LCLAT1: variants seen among roughly 807,000 people sequenced by gnomAD.
LCLAT1 encodes the protein 1-AGP acyltransferase 8.
Under a neutral mutation model 30.7 loss-of-function variants are expected in LCLAT1, and 11 were observed. The ratio of observed to expected loss-of-function variants is 0.36; its 90% CI spans 0.23 to 0.59. The LOEUF (loss-of-function observed/expected upper bound fraction) is 0.59. Among genes scored for constraint, LCLAT1 ranks in the 20% least tolerant of loss-of-function variants. The pLI, the probability that LCLAT1 is intolerant of heterozygous loss-of-function variation, is 0.77. For synonymous variants in LCLAT1, 155 were observed against 151.3 expected (o/e 1.02, Z -0.18); for missense variants, 402 against 458.6 (o/e 0.88, Z 1.13).
At chr2:30,569,564 G>T (rs1201800341) in intron 5 of LCLAT1, among the ~76,000 whole-genome samples, 2 of 151,834 alleles carry the variant, frequency 1.3e-5, no homozygotes, top group Non-Finnish European at 2.9e-5. Flanking sequence ...TAAAACTGTT[G>T]TGCATAACAT....
At chr2:30,473,877 T>A (rs1481562135) in intron 1 of LCLAT1, among the ~76,000 whole-genome samples, 1 of 152,200 alleles carries the variant, frequency 6.6e-6, no homozygotes, top group Non-Finnish European at 1.5e-5. Flanking sequence ...TTATAAGGGA[T>A]TGATTTTCAA....
At chr2:30,575,331 A>G (rs1415492269) in intron 5 of LCLAT1, among the ~76,000 whole-genome samples, 2 of 151,462 alleles carry the variant, frequency 1.3e-5, no homozygotes, top group African/African-American at 2.4e-5. Context: ...ATTTGTTTTT[A>G]TATCTGAGGT....
At chr2:30,615,575 C>T (rs926583107) in intron 5 of LCLAT1, among the ~76,000 whole-genome samples, 3 of 152,132 alleles carry the variant, frequency 2.0e-5, no homozygotes, top group African/African-American at 7.2e-5. Flanking sequence ...CTCCCACTAG[C>T]CTTCATTCCC....
chr2:30,467,594 C>T (rs1205059244), intron 1 of LCLAT1, among the ~76,000 whole-genome samples: 1 of 152,208 alleles, frequency 6.6e-6, no homozygotes, highest in Non-Finnish European at 1.5e-5. Flanking sequence ...TCCTCTCCAG[C>T]ACCTGTTGTT....
intron 5 of LCLAT1, among the ~76,000 whole-genome samples, chr2:30,639,820 T>G (rs1186219448): frequency 6.6e-6 from 1 of 152,210 alleles, no homozygotes; most frequent in African/African-American, 2.4e-5. Flanking sequence ...AATTCCCATC[T>G]CAAATTTGAG....
At chr2:30,608,469 CCTCA>C (rs1667573770) in intron 5 of LCLAT1, among the ~76,000 whole-genome samples, 1 of 151,872 alleles carries the variant, frequency 6.6e-6, no homozygotes, top group African/African-American at 2.4e-5. Flanking sequence ...ATTCACTCAC[CCTCA>C]CTCACTGACT....
At chr2:30,544,429 G>T (rs1027913086) in intron 3 of LCLAT1, among the ~76,000 whole-genome samples, 6 of 152,136 alleles carry the variant, frequency 3.9e-5, no homozygotes. Flanking sequence ...TTCTCTTTAT[G>T]CAATACAGGA....
chr2:30,502,999 T>A (rs1237257514), intron 1 of LCLAT1, among the ~76,000 whole-genome samples: 1 of 152,250 alleles, frequency 6.6e-6, no homozygotes, highest in Admixed American at 6.5e-5. Context: ...GTATGGTCTC[T>A]TGGCAGTTGC....
chr2:30,569,401 G>A (rs1665671737), intron 5 of LCLAT1, among the ~76,000 whole-genome samples: 1 of 152,174 alleles, frequency 6.6e-6, no homozygotes, highest in South Asian at 2.1e-4. Flanking sequence ...ACATACTGAA[G>A]TGTTAATTTT....
At position 30,640,552 on chromosome 2, in the gene LCLAT1, T is replaced by C; in HGVS notation, c.1064T>C (p.Ile355Thr). The change falls in exon 6 of 6, where the codon ATC (isoleucine) becomes ACC (threonine). Residue 355 changes from isoleucine to threonine, a missense_variant. Coordinates refer to ENST00000379509, the MANE Select transcript of LCLAT1 (RefSeq NM_001002257.3). ...LQERIFGGLE[I>T]IELACYRLLH... is the part of the protein sequence containing the mutation. ...GAGAGAATATTTGGTGGACTGGAGA[T>C]CATAGAACTTGCATGTTACCGACTT... is the stretch of plus-strand genomic sequence containing the variant. The C allele has an allele frequency of 2.5e-6, 4 of 1,613,356 alleles. No individual in the cohort carries two copies. The highest frequency in any genetic ancestry group is 3.4e-6 in the Non-Finnish European group (4 of 1,179,844).
At chr2:30,501,228 T>G (rs556415446) in intron 1 of LCLAT1, among the ~76,000 whole-genome samples, 1 of 152,092 alleles carries the variant, frequency 6.6e-6, no homozygotes, top group Non-Finnish European at 1.5e-5. Context: ...TAAAGCCTTT[T>G]TCTCTGTCAA....
At chr2:30,491,595 G>A (rs933031264) in intron 1 of LCLAT1, among the ~76,000 whole-genome samples, 3 of 152,200 alleles carry the variant, frequency 2.0e-5, no homozygotes, top group Non-Finnish European at 4.4e-5. Context: ...TATGTGCATA[G>A]ATAACCCACT....
chr2:30,583,110 A>G (rs549119728), intron 5 of LCLAT1, among the ~76,000 whole-genome samples: 43 of 152,374 alleles, frequency 2.8e-4, no homozygotes, highest in Middle Eastern at 3.4e-3. Flanking sequence ...CAAGTTTAAG[A>G]TAAGCTAAAT....
intron 3 of LCLAT1, among the ~76,000 whole-genome samples, chr2:30,535,924 C>A (rs190313692): frequency 2.6e-5 from 4 of 151,892 alleles, no homozygotes; most frequent in Non-Finnish European, 5.9e-5. Flanking sequence ...CATCAGGAAA[C>A]AATTCATGAT....
At chr2:30,558,199 T>C (rs1482909314) in intron 3 of LCLAT1, among the ~76,000 whole-genome samples, 1 of 152,162 alleles carries the variant, frequency 6.6e-6, no homozygotes, top group Non-Finnish European at 1.5e-5. Flanking sequence ...TGATGGACTT[T>C]ATATCCTAAA....
At position 30,641,918 on chromosome 2, in the gene LCLAT1, T is replaced by G. The variant is rs1669334118; in HGVS notation, c.*1299T>G. ...TTTCTTTTTTTTTTTCTTTTTTTTT[T>G]TGTCGTGTAAGAAGGATGCTGGTCA... On this transcript the variant is annotated 3_prime_UTR_variant, in exon 6 of 6. Coordinates refer to ENST00000379509, the MANE Select transcript of LCLAT1 (RefSeq NM_001002257.3). 1 of 150,686 alleles carries G rather than the reference T, an allele frequency of 6.6e-6. No individual in the cohort carries two copies. The highest frequency in any genetic ancestry group is 2.1e-4 in the South Asian group (1 of 4,776). 9.3% of individuals were successfully genotyped at this position (150,686 alleles called of 1,614,324 possible).
At chr2:30,528,440 G>C (rs1364192402) in intron 2 of LCLAT1, among the ~76,000 whole-genome samples, 10 of 152,188 alleles carry the variant, frequency 6.6e-5, no homozygotes, top group Admixed American at 1.3e-4. Flanking sequence ...GCAGAGAAGA[G>C]AATGAATTTT....
Position 30,562,112 on chromosome 2 carries a change from T to G in LCLAT1, c.365-34T>G, listed in dbSNP as rs370427576. 7.2e-6 allele frequency: 11 copies of G among 1,534,178 alleles called. 1 individual carries two copies. Among genetic ancestry groups the G allele is most frequent in the Non-Finnish European group, 9.8e-6 (11 of 1,123,022 alleles). On this transcript the variant is annotated intron_variant, in intron 3 of 5. Coordinates refer to ENST00000379509, the MANE Select transcript of LCLAT1 (RefSeq NM_001002257.3). Reference sequence around the variant, plus strand: ...TAATATGTGGATATTGGCAATAAAATTATAGGTAAATTTTATTGTTAAATT... The same window carrying G: ...TAATATGTGGATATTGGCAATAAAAGTATAGGTAAATTTTATTGTTAAATT...
At chr2:30,569,366 A>G (rs1330304593) in intron 5 of LCLAT1, among the ~76,000 whole-genome samples, 1 of 152,264 alleles carries the variant, frequency 6.6e-6, no homozygotes, top group Admixed American at 6.5e-5. Context: ...TAACACATAT[A>G]TGAAGAAAAG....
Sources: allele counts gnomAD v4.1 joint callset (sites outside exome capture counted in the v4.1 genomes callset), GRCh38; gene constraint gnomAD v4.1.1; transcripts MANE v1.5; gene names NCBI Gene and HGNC (gene_info 2026-07-23, HGNC 2026-07-21).